SNTG1: variants seen among roughly 807,000 people sequenced by gnomAD.
The protein encoded by SNTG1 is syntrophin gamma 1.
In SNTG1, 39 loss-of-function variants were observed where a neutral mutation model predicts 74.7. That is an observed-to-expected ratio of 0.52 (90% CI 0.40 to 0.68). The LOEUF (loss-of-function observed/expected upper bound fraction) is 0.68, where lower values mean the gene tolerates loss of function less well. SNTG1 is among the 30% of genes least tolerant of loss of function. The probability of loss-of-function intolerance (pLI) is 0.00; values close to 1 mark genes in which losing one functional copy is unlikely to be tolerated. For missense variants in SNTG1, 685 were observed against 609.5 expected, an observed-to-expected ratio of 1.12 and a Z score of -1.30; for synonymous variants, 254 against 217.1, an observed-to-expected ratio of 1.17 and a Z score of -1.49.
At chr8:50,080,570 A>C (rs1196664525) in intron 1 of SNTG1, among the ~76,000 whole-genome samples, 1 of 151,986 alleles carries the variant, frequency 6.6e-6, no homozygotes, top group South Asian at 2.1e-4. Flanking sequence ...AAGTATTTTC[A>C]GTGTGCCATT....
At chr8:50,237,832 G>A (rs914275429) in intron 2 of SNTG1, among the ~76,000 whole-genome samples, 1 of 151,710 alleles carries the variant, frequency 6.6e-6, no homozygotes, top group African/African-American at 2.4e-5. Context: ...AGATTTTAAG[G>A]GTTATACATT....
intron 2 of SNTG1, among the ~76,000 whole-genome samples, chr8:50,298,878 G>T (rs2089511980): frequency 6.6e-6 from 1 of 152,028 alleles, no homozygotes; most frequent in South Asian, 2.1e-4. Context: ...TTTATTCTTT[G>T]GTTGGTATTT....
chr8:50,776,908 C>T (rs1281440525), intron 18 of SNTG1, among the ~76,000 whole-genome samples: 1 of 151,772 alleles, frequency 6.6e-6, no homozygotes, highest in Non-Finnish European at 1.5e-5. Context: ...AATCTTGTGC[C>T]ACTTCCTTCT....
At chr8:50,635,587 G>A (rs1367895283) in intron 13 of SNTG1, among the ~76,000 whole-genome samples, 1 of 152,110 alleles carries the variant, frequency 6.6e-6, no homozygotes. Flanking sequence ...AGGCCCACAG[G>A]GAGTGCTTCC....
intron 18 of SNTG1, among the ~76,000 whole-genome samples, chr8:50,770,449 C>T (rs192084721): frequency 4.6e-5 from 7 of 152,130 alleles, no homozygotes; most frequent in African/African-American, 1.4e-4. Flanking sequence ...ACTGTGACCT[C>T]GAAAATATGC....
rs1294483503 is a variant in SNTG1, at chr8:50,332,782, G to C, written c.-27-61430G>C. On this transcript the variant is annotated intron_variant, in intron 2 of 18. Transcript: ENST00000642720. ...ACACCAGTCCTTGGAGTGCAAGGAA[G>C]TGAGCATGTGAGAGTGTTTGAAGAC... is the stretch of plus-strand genomic sequence containing the variant. 3.3e-5 allele frequency among the ~76,000 whole-genome samples: 5 copies of C among 152,210 alleles called. No individual in the cohort carries two copies. The East Asian group carries it at 9.6e-4, about 29-fold the overall frequency.
intron 1 of SNTG1, among the ~76,000 whole-genome samples, chr8:49,927,930 CA>C (rs1234796925): frequency 6.6e-6 from 1 of 151,794 alleles, no homozygotes; most frequent in Non-Finnish European, 1.5e-5. Flanking sequence ...GCCTAGCCAA[CA>C]TAGTAAAACC....
intron 4 of SNTG1, among the ~76,000 whole-genome samples, chr8:50,407,244 G>A (rs2131376096): frequency 6.6e-6 from 1 of 152,280 alleles, no homozygotes; most frequent in East Asian, 1.9e-4. Flanking sequence ...AACAAATAGA[G>A]TGTTAACTCT....
Position 50,567,563 on chromosome 8 carries a change from A to G in SNTG1, c.810+14384A>G, listed in dbSNP as rs958245400. 2.0e-5 allele frequency among the ~76,000 whole-genome samples: 3 copies of G among 151,980 alleles called. No individual in the cohort carries two copies. The South Asian group carries it at 6.2e-4, about 32-fold the overall frequency. ...TTATTCTAGCCTTAAAACAAGAGAA[A>G]CTCTATGTATCGGTGGAGTAAACTG... On this transcript the variant is annotated intron_variant, in intron 12 of 18. Transcript: ENST00000642720.
intron 1 of SNTG1, among the ~76,000 whole-genome samples, chr8:50,124,810 A>G (rs1379777905): frequency 7.1e-6 from 1 of 141,386 alleles, no homozygotes; most frequent in Non-Finnish European, 1.6e-5. Context: ...GCTTGTTGCT[A>G]AAATTCGAGT....
intron 2 of SNTG1, among the ~76,000 whole-genome samples, chr8:50,207,162 T>C (rs1271892459): frequency 1.3e-5 from 2 of 152,224 alleles, no homozygotes; most frequent in African/African-American, 4.8e-5. Flanking sequence ...TCTTTGTACC[T>C]CTGGTAGAAT....
intron 17 of SNTG1, among the ~76,000 whole-genome samples, chr8:50,727,782 G>A (rs2095503701): frequency 6.6e-6 from 1 of 152,174 alleles, no homozygotes; most frequent in Non-Finnish European, 1.5e-5. Flanking sequence ...TGATCCTGTG[G>A]CTATGGATGC....
chr8:50,532,356 G>A (rs568673402), intron 10 of SNTG1, among the ~76,000 whole-genome samples: 1 of 152,094 alleles, frequency 6.6e-6, no homozygotes, highest in African/African-American at 2.4e-5. Context: ...TTTACTTTGG[G>A]GAGCTGTTAA....
intron 1 of SNTG1, among the ~76,000 whole-genome samples, chr8:50,061,398 G>A (rs114828113): frequency 6.6e-6 from 1 of 151,988 alleles, no homozygotes; most frequent in African/African-American, 2.4e-5. Flanking sequence ...TTGGTCATTC[G>A]TGTCTTCTAA....
rs571456480 is a variant in SNTG1, at chr8:50,703,913, G to A, written c.1039-687G>A. Among the ~76,000 whole-genome samples the A allele has an allele frequency of 2.0e-5, 3 of 152,180 alleles. No individual in the cohort carries two copies. The East Asian group carries it at 5.8e-4, about 29-fold the overall frequency. On this transcript the variant is annotated intron_variant, in intron 15 of 18. Coordinates refer to ENST00000642720, the MANE Select transcript of SNTG1 (RefSeq NM_018967.5). ...TGACTGTATTTAAAATGCTATATCT[G>A]ACATGTTGCATTGGGTTACTCTGTT...
chr8:50,589,154 G>A (rs948988710), intron 12 of SNTG1, among the ~76,000 whole-genome samples: 1 of 152,028 alleles, frequency 6.6e-6, no homozygotes, highest in African/African-American at 2.4e-5. Flanking sequence ...TATTTTAATA[G>A]TAGTAATGTT....
intron 1 of SNTG1, among the ~76,000 whole-genome samples, chr8:50,134,497 A>C (rs1305275193): frequency 1.3e-5 from 2 of 152,200 alleles, no homozygotes; most frequent in East Asian, 3.8e-4. Context: ...TTTGGCAAGC[A>C]GGCTTTTCCT....
At chr8:50,256,228 T>C (rs956700193) in intron 2 of SNTG1, among the ~76,000 whole-genome samples, 37 of 152,234 alleles carry the variant, frequency 2.4e-4, no homozygotes, top group South Asian at 2.1e-4. Context: ...GCCTTTCATG[T>C]CTTTGTAACA....
chr8:50,089,786 G>A (rs1415949718), intron 1 of SNTG1, among the ~76,000 whole-genome samples: 1 of 152,136 alleles, frequency 6.6e-6, no homozygotes, highest in Admixed American at 6.5e-5. Context: ...TGGAGAAATA[G>A]GAACACTTTT....
Sources: allele counts gnomAD v4.1 joint callset (sites outside exome capture counted in the v4.1 genomes callset), GRCh38; gene constraint gnomAD v4.1.1; transcripts MANE v1.5; gene names NCBI Gene and HGNC (gene_info 2026-07-23, HGNC 2026-07-21).